The following MAOA variants were observed in gnomAD, a reference collection of about 807,000 sequenced individuals.
MAOA encodes amine oxidase [flavin-containing] A.
A neutral mutation model predicts 42.0 loss-of-function variants in MAOA; 6 were observed. The ratio of observed to expected loss-of-function variants is 0.14; its 90% CI spans 0.08 to 0.28. The LOEUF (loss-of-function observed/expected upper bound fraction) is 0.28, where lower values mean the gene tolerates loss of function less well. MAOA is among the 10% of genes least tolerant of loss of function. The pLI is 1.00. For synonymous variants in MAOA, 140 were observed against 154.0 expected, an observed-to-expected ratio of 0.91 and a Z score of 0.67; for missense variants, 262 against 422.3, an observed-to-expected ratio of 0.62 and a Z score of 3.33.
chrX:43,722,332 C>G (rs2033798046), intron 5 of MAOA, among the ~76,000 whole-genome samples: 1 of 112,424 alleles, frequency 8.9e-6, no homozygotes, highest in East Asian at 2.8e-4. Context: ...TCCTATTTCT[C>G]CACATCCTCT....
chrX:43,720,089 G>A (rs925303506), intron 5 of MAOA, among the ~76,000 whole-genome samples: 5 of 109,284 alleles, frequency 4.6e-5, no homozygotes, highest in African/African-American at 1.7e-4. Context: ...GGAGTGGGTG[G>A]TATCATCCAG....
At chrX:43,727,311 G>C (rs762569666) in intron 5 of MAOA, among the ~76,000 whole-genome samples, 1 of 112,116 alleles carries the variant, frequency 8.9e-6, no homozygotes, top group East Asian at 2.8e-4. Context: ...AAGGAGATGG[G>C]GGTTTTATCT....
At chrX:43,726,790 G>A (rs1485054313) in intron 5 of MAOA, among the ~76,000 whole-genome samples, 2 of 112,060 alleles carry the variant, frequency 1.8e-5, no homozygotes, top group Non-Finnish European at 3.8e-5. Context: ...TTTCTGCACT[G>A]GTTTCTCCCC....
Position 43,731,358 on chromosome X carries a change from A to G in MAOA, c.763A>G (p.Ile255Val). The change falls in exon 7 of 15, where the codon ATC (isoleucine) becomes GTC (valine). Residue 255 changes from isoleucine to valine, a missense_variant. Ile to Val is a conservative substitution (Grantham distance 29). Coordinates refer to ENST00000338702, the MANE Select transcript of MAOA (RefSeq NM_000240.4). ...CGTTGACCAGTCAAGTGACAACATC[A>G]TCATAGAGACGCTGAACCATGAACA... ...THVDQSSDNI[I>V]IETLNHEHYE... 2.5e-6 allele frequency: 3 copies of G among 1,211,012 alleles called. No individual in the cohort carries two copies. In the South Asian group the frequency reaches 5.3e-5, roughly 21 times the overall value.
chrX:43,690,881 A>C (rs2147083977), intron 2 of MAOA, among the ~76,000 whole-genome samples: 1 of 111,884 alleles, frequency 8.9e-6, no homozygotes, highest in Admixed American at 9.5e-5. Context: ...AAGGCTATAT[A>C]TGAATAAGCT....
intron 1 of MAOA, among the ~76,000 whole-genome samples, chrX:43,661,290 T>C (rs748126128): frequency 2.7e-5 from 3 of 111,911 alleles, no homozygotes; most frequent in African/African-American, 9.7e-5. Context: ...TTCTATCTTC[T>C]GGAAGAAGTA....
intron 3 of MAOA, among the ~76,000 whole-genome samples, chrX:43,708,470 C>G (rs779754919): frequency 9.0e-6 from 1 of 110,842 alleles, no homozygotes; most frequent in Admixed American, 9.7e-5. Flanking sequence ...TCCAGGCCCC[C>G]CTACTGCACT....
chrX:43,730,826 A>G (rs1009791990), intron 6 of MAOA, among the ~76,000 whole-genome samples: 1 of 110,832 alleles, frequency 9.0e-6, no homozygotes, highest in African/African-American at 3.3e-5. Context: ...GGACAACCTC[A>G]GCCCAGAACA....
intron 5 of MAOA, among the ~76,000 whole-genome samples, chrX:43,713,764 T>C: frequency 9.0e-6 from 1 of 111,686 alleles, no homozygotes; most frequent in East Asian, 2.8e-4. Flanking sequence ...GGTCTGAGGG[T>C]ACAGGAAGCA....
intron 1 of MAOA, among the ~76,000 whole-genome samples, chrX:43,682,778 A>T (rs1361737200): frequency 8.9e-6 from 1 of 112,066 alleles, no homozygotes; most frequent in Non-Finnish European, 1.9e-5. Flanking sequence ...AGGTGATCAG[A>T]TCAAGGTCAA....
At chrX:43,730,230 G>A (rs1211605992) in intron 6 of MAOA, among the ~76,000 whole-genome samples, 1 of 108,277 alleles carries the variant, frequency 9.2e-6, no homozygotes, top group African/African-American at 3.4e-5. Flanking sequence ...TCTATAATAG[G>A]CTAAAAATAT....
At chrX:43,665,191 T>C (rs1361748383) in intron 1 of MAOA, among the ~76,000 whole-genome samples, 1 of 111,917 alleles carries the variant, frequency 8.9e-6, no homozygotes, top group Non-Finnish European at 1.9e-5. Context: ...ATCAATCTTA[T>C]GAGAGATTAA....
chrX:43,740,471 T>C (rs2147106857), intron 10 of MAOA, among the ~76,000 whole-genome samples: 1 of 111,821 alleles, frequency 8.9e-6, no homozygotes, highest in Non-Finnish European at 1.9e-5. Context: ...ATCCTCAAAT[T>C]AAATGACTAC....
intron 3 of MAOA, among the ~76,000 whole-genome samples, chrX:43,711,417 A>C (rs2033698703): frequency 8.9e-6 from 1 of 111,856 alleles, no homozygotes; most frequent in African/African-American, 3.3e-5. Context: ...AAAACACAGT[A>C]TAAGACATTC....
intron 13 of MAOA, 99 bp from the exon 14 acceptor site, chrX:43,744,010 C>T: frequency 8.4e-7 from 1 of 1,185,260 alleles, no homozygotes; most frequent in East Asian, 3.1e-5. Context: ...GTCCATTTCT[C>T]TGCCCCTCAC....
At chrX:43,705,113 A>G (rs1358903152) in intron 3 of MAOA, among the ~76,000 whole-genome samples, 4 of 111,972 alleles carry the variant, frequency 3.6e-5, no homozygotes, top group East Asian at 2.8e-4. Flanking sequence ...TAAAATGTAT[A>G]TGTAAATGTG....
intron 3 of MAOA, 62 bp from the exon 4 acceptor site, chrX:43,711,810 A>G: frequency 1.3e-5 from 12 of 909,465 alleles, no homozygotes; most frequent in Non-Finnish European, 1.9e-5. Flanking sequence ...GTTGTTTTAG[A>G]ACACCATTCA....
At chrX:43,670,451 TTTA>T (rs1395185364) in intron 1 of MAOA, among the ~76,000 whole-genome samples, 3 of 110,813 alleles carry the variant, frequency 2.7e-5, no homozygotes, top group East Asian at 5.7e-4. Flanking sequence ...TAATTTTTAT[TTTA>T]TTATTATTAT....
At chrX:43,677,792 T>A (rs1372885938) in intron 1 of MAOA, among the ~76,000 whole-genome samples, 1 of 111,827 alleles carries the variant, frequency 8.9e-6, no homozygotes, top group Non-Finnish European at 1.9e-5. Context: ...TCTACTCTCA[T>A]AGAAAACCAC....
Sources: allele counts gnomAD v4.1 joint callset (sites outside exome capture counted in the v4.1 genomes callset), GRCh38; gene constraint gnomAD v4.1.1; transcripts MANE v1.5; gene names NCBI Gene and HGNC (gene_info 2026-07-23, HGNC 2026-07-21).